Variants in ULK4 observed in about 807,000 individuals in gnomAD.
ULK4 encodes inactive serine/threonine-protein kinase ULK4.
A neutral mutation model predicts 160.6 loss-of-function variants in ULK4; 133 were observed. The ratio of observed to expected loss-of-function variants is 0.83; its 90% CI spans 0.72 to 0.96. The LOEUF (loss-of-function observed/expected upper bound fraction) is 0.96. Among genes scored for constraint, ULK4 ranks in the 40% least tolerant of loss-of-function variants. The probability of loss-of-function intolerance (pLI) is 0.00; values close to 1 mark genes in which losing one functional copy is unlikely to be tolerated. For synonymous variants in ULK4, 534 were observed against 539.8 expected (o/e 0.99, Z 0.15); for missense variants, 1,580 against 1,499.5 (o/e 1.05, Z -0.89).
In ULK4 at chr3:41,566,014, G is replaced by A. The variant is rs2087769093; in HGVS notation, c.3226+11C>T. ...AAACTTGATCAGAGAGTAATTCTAT[G>A]AGGCATTTACCTTGTTCATAAAGTA... is the stretch of plus-strand genomic sequence containing the variant. On this transcript the variant is annotated intron_variant, in intron 32 of 36. Coordinates refer to ENST00000301831, the MANE Select transcript of ULK4 (RefSeq NM_017886.4). The A allele has an allele frequency of 6.2e-7, 1 of 1,604,466 alleles. No individual in the cohort carries two copies. The highest frequency in any genetic ancestry group is 1.3e-5 in the African/African-American group (1 of 74,640).
At chr3:41,700,762 A>G (rs906377324) in intron 27 of ULK4, among the ~76,000 whole-genome samples, 3 of 152,224 alleles carry the variant, frequency 2.0e-5, no homozygotes, top group African/African-American at 7.2e-5. Context: ...GATGACTTTC[A>G]TAGTCTTCTG....
At chr3:41,286,305 G>C (rs1386585907) in intron 35 of ULK4, among the ~76,000 whole-genome samples, 1 of 152,132 alleles carries the variant, frequency 6.6e-6, no homozygotes, top group Non-Finnish European at 1.5e-5. Context: ...GGGAGTGAGT[G>C]GGGCTGAGAG....
At chr3:41,791,565 G>A (rs574573770) in intron 20 of ULK4, among the ~76,000 whole-genome samples, 1 of 152,294 alleles carries the variant, frequency 6.6e-6, no homozygotes, top group African/African-American at 2.4e-5. Flanking sequence ...TGGGAGGTAG[G>A]AATGGGGCCA....
At chr3:41,488,300 G>A (rs982478287) in intron 32 of ULK4, among the ~76,000 whole-genome samples, 1 of 152,110 alleles carries the variant, frequency 6.6e-6, no homozygotes, top group African/African-American at 2.4e-5. Flanking sequence ...CAACCACTCA[G>A]TTATTATTCC....
chr3:41,489,567 C>T (rs1457650566), intron 32 of ULK4, among the ~76,000 whole-genome samples: 1 of 152,144 alleles, frequency 6.6e-6, no homozygotes, highest in Non-Finnish European at 1.5e-5. Context: ...AATCTTTTCT[C>T]CCCATGACCC....
At chr3:41,291,553 G>A (rs770989909) in intron 35 of ULK4, among the ~76,000 whole-genome samples, 2 of 112,782 alleles carry the variant, frequency 1.8e-5, no homozygotes, top group Non-Finnish European at 3.9e-5. Context: ...AAGAAAGGCA[G>A]GGAGAGATGG....
At chr3:41,827,596 C>A (rs536511479) in intron 18 of ULK4, among the ~76,000 whole-genome samples, 1 of 151,934 alleles carries the variant, frequency 6.6e-6, no homozygotes, top group Non-Finnish European at 1.5e-5. Flanking sequence ...AAGACTAAAC[C>A]AGGAAGAAGT....
At chr3:41,634,684 G>A (rs1466073650) in intron 30 of ULK4, among the ~76,000 whole-genome samples, 2 of 152,208 alleles carry the variant, frequency 1.3e-5, no homozygotes, top group South Asian at 2.1e-4. Context: ...TGGCTTGAGC[G>A]ATTTGGGTAT....
At chr3:41,940,915 C>T (rs1057361556) in intron 2 of ULK4, among the ~76,000 whole-genome samples, 4 of 152,058 alleles carry the variant, frequency 2.6e-5, no homozygotes, top group African/African-American at 4.8e-5. Context: ...GTTTTGCTTT[C>T]GCCTTTTAAA....
chr3:41,956,416 T>C (rs1018826879), intron 1 of ULK4, among the ~76,000 whole-genome samples: 2 of 152,166 alleles, frequency 1.3e-5, no homozygotes, highest in Non-Finnish European at 2.9e-5. Flanking sequence ...TTTCAATAAA[T>C]CCCTGCTTTC....
chr3:41,334,377 GC>G (rs1433474473), intron 35 of ULK4, among the ~76,000 whole-genome samples: 8 of 152,242 alleles, frequency 5.3e-5, no homozygotes, highest in African/African-American at 1.7e-4. Context: ...CCAAGCCTCT[GC>G]TACAAAGAGA....
intron 34 of ULK4, among the ~76,000 whole-genome samples, chr3:41,422,829 C>T (rs1484036157): frequency 6.6e-6 from 1 of 152,148 alleles, no homozygotes; most frequent in Admixed American, 6.5e-5. Flanking sequence ...CATCTCACTT[C>T]TGGAGTTTAT....
chr3:41,829,782 C>A (rs1345490790), intron 18 of ULK4, among the ~76,000 whole-genome samples: 2 of 147,794 alleles, frequency 1.4e-5, no homozygotes, highest in South Asian at 2.1e-4. Context: ...TTGACCCAGC[C>A]ATCCCATTAC....
intron 32 of ULK4, among the ~76,000 whole-genome samples, chr3:41,468,254 G>T (rs1339409095): frequency 6.6e-6 from 1 of 152,094 alleles, no homozygotes; most frequent in Non-Finnish European, 1.5e-5. Context: ...CAAAAAAGAA[G>T]CAAAAGATGA....
At chr3:41,590,291 C>T (rs978864886) in intron 31 of ULK4, among the ~76,000 whole-genome samples, 31 of 151,266 alleles carry the variant, frequency 2.0e-4, no homozygotes, top group Admixed American at 9.2e-4. Context: ...CATGAGCCAC[C>T]GCGCCCGGCC....
intron 17 of ULK4, chr3:41,859,351 C>A: frequency 1.7e-6 from 1 of 592,008 alleles, no homozygotes; most frequent in African/African-American, 1.9e-5. Flanking sequence ...TCTTCCTCCT[C>A]AAGGCCAATG....
At chr3:41,954,844 G>C (rs907238227) in intron 1 of ULK4, 37 bp from the exon 2 acceptor site, 3 of 1,314,728 alleles carry the variant, frequency 2.3e-6, no homozygotes, top group Non-Finnish European at 3.1e-6. Flanking sequence ...ATAAATGCAA[G>C]TTAGTTGCAT....
intron 4 of ULK4, among the ~76,000 whole-genome samples, chr3:41,933,993 ACACCACTG>A (rs1209448806): frequency 1.3e-5 from 2 of 152,124 alleles, no homozygotes; most frequent in African/African-American, 4.8e-5. Flanking sequence ...AGTTGAGATC[ACACCACTG>A]CACTCCAGCC....
At chr3:41,325,191 T>C (rs1287676987) in intron 35 of ULK4, among the ~76,000 whole-genome samples, 1 of 152,164 alleles carries the variant, frequency 6.6e-6, no homozygotes, top group African/African-American at 2.4e-5. Context: ...ATGGGTATAA[T>C]GGCAATATTC....
Sources: allele counts gnomAD v4.1 joint callset (sites outside exome capture counted in the v4.1 genomes callset), GRCh38; gene constraint gnomAD v4.1.1; transcripts MANE v1.5; gene names NCBI Gene and HGNC (gene_info 2026-07-23, HGNC 2026-07-21).